Variants in PTPN12 observed in about 807,000 individuals in gnomAD.
PTPN12 encodes the protein tyrosine-protein phosphatase non-receptor type 12.
In PTPN12, 29 loss-of-function variants were observed where a neutral mutation model predicts 97.6. The observed-to-expected ratio is 0.30, with a 90% CI of 0.22 to 0.41. PTPN12 has a LOEUF of 0.41. Ranked by LOEUF, PTPN12 falls within the 10% of genes least tolerant of loss-of-function variation. The pLI is 1.00. For synonymous variants in PTPN12, 327 were observed against 300.4 expected, an observed-to-expected ratio of 1.09 and a Z score of -0.91; for missense variants, 819 against 926.0, an observed-to-expected ratio of 0.88 and a Z score of 1.50.
At chr7:77,549,051 G>A (rs1807352423) in intron 1 of PTPN12, among the ~76,000 whole-genome samples, 1 of 152,142 alleles carries the variant, frequency 6.6e-6, no homozygotes, top group Non-Finnish European at 1.5e-5. Flanking sequence ...TCAAATTATG[G>A]AAAGAGCTCA....
chr7:77,568,970 C>A (rs897611355), intron 1 of PTPN12, among the ~76,000 whole-genome samples: 1 of 152,116 alleles, frequency 6.6e-6, no homozygotes, highest in Admixed American at 6.6e-5. Context: ...ATATAAGTAA[C>A]CATGAGGATC....
At chr7:77,638,570 A>G (rs1789687407) in intron 16 of PTPN12, 54 bp from the exon 17 acceptor site, 1 of 1,506,146 alleles carries the variant, frequency 6.6e-7, no homozygotes, top group Non-Finnish European at 8.8e-7. Flanking sequence ...AGAGTTATAT[A>G]TATATGATGC....
rs761274993 is a variant in PTPN12, at chr7:77,625,563, C to CTTTTTTT, written c.1026-1141_1026-1140insTTTTTTT. On this transcript the variant is annotated intron_variant, in intron 12 of 17. Coordinates refer to ENST00000248594, the MANE Select transcript of PTPN12 (RefSeq NM_002835.4). ...TCGCGCTCTCTCTCTCGCTCTCTCT[C>CTTTTTTT]TCTTTTTTTTTTTTTTTTTTTTTTT... is the stretch of plus-strand genomic sequence containing the variant. Among the ~76,000 whole-genome samples the CTTTTTTT allele has an allele frequency of 1.2e-3, 34 of 27,784 alleles. 5 individuals carry two copies. Among genetic ancestry groups the CTTTTTTT allele is most frequent in the African/African-American group, 7.9e-3 (34 of 4,284 alleles). 18.2% of individuals were successfully genotyped at this position (27,784 alleles called of 152,430 possible).
chr7:77,549,704 G>C lies in PTPN12; in HGVS notation c.99+12059G>C, dbSNP rs77180092. On this transcript the variant is annotated intron_variant, in intron 1 of 17. Transcript: ENST00000248594. ...CAAGTGATCCTCTCACCTCACTCCT[G>C]AGTAGCTAGGACTACAAGCATGTTG... is the stretch of plus-strand genomic sequence containing the variant. Among the ~76,000 whole-genome samples, 1,394 of 151,662 alleles carry C rather than the reference G, an allele frequency of 9.2e-3. 24 individuals carry two copies. The highest frequency in any genetic ancestry group is 0.032 in the African/African-American group (1,307 of 41,350).
chr7:77,553,289 G>A (rs551508396), intron 1 of PTPN12, among the ~76,000 whole-genome samples: 3 of 152,178 alleles, frequency 2.0e-5, no homozygotes, highest in South Asian at 4.1e-4. Context: ...GTCTATAGAC[G>A]TGCATTATAT....
At chr7:77,578,452 A>G (rs772915500) in intron 2 of PTPN12, among the ~76,000 whole-genome samples, 2 of 152,208 alleles carry the variant, frequency 1.3e-5, no homozygotes, top group Non-Finnish European at 2.9e-5. Flanking sequence ...GTTTCTTAGA[A>G]TACAGTGAGG....
chr7:77,537,393 A>T lies in PTPN12; in HGVS notation c.-154A>T. 2.1e-6 allele frequency: 2 copies of T among 957,132 alleles called. No individual in the cohort carries two copies. The highest frequency in any genetic ancestry group is 2.6e-6 in the Non-Finnish European group (2 of 759,960). The allele number at this position is 957,132 out of a possible 1,614,324, so 59.3% of individuals were successfully genotyped here. The stretch of plus-strand genomic sequence containing the variant: ...GCCGGTGCCGCCGCAGCCGCCGCCT[A>T]GGGCGGTGGGGAGGAGGAGGGAGCC... On this transcript the variant is annotated 5_prime_UTR_variant, in exon 1 of 18. Coordinates refer to ENST00000248594, the MANE Select transcript of PTPN12 (RefSeq NM_002835.4).
chr7:77,637,723 GC>G (rs990274213), intron 16 of PTPN12, among the ~76,000 whole-genome samples: 88 of 151,334 alleles, frequency 5.8e-4, no homozygotes, highest in African/African-American at 2.0e-3. Context: ...TAGGCGTCAT[GC>G]CATCTGCCTG....
Position 77,610,924 on chromosome 7 carries a change from T to C in PTPN12, c.841-24T>C. 3 of 1,586,660 alleles carry C rather than the reference T, an allele frequency of 1.9e-6. No individual in the cohort carries two copies. The African/African-American group carries it at 4.1e-5, about 22-fold the overall frequency. On this transcript the variant is annotated intron_variant, in intron 10 of 17. Transcript: ENST00000248594. ...TTAAAATGTTGTTTTCATTTTGTTT[T>C]TTAATCATTTTTCTCCTTCATAGGA...
chr7:77,561,775 ATTAATTAAT>A (rs1328332948), intron 1 of PTPN12, among the ~76,000 whole-genome samples: 1 of 151,508 alleles, frequency 6.6e-6, no homozygotes, highest in African/African-American at 2.4e-5. Context: ...TAATTAATTA[ATTAATTAAT>A]TTTATTTATT....
chr7:77,592,039 A>G (rs1003446591), intron 5 of PTPN12, 146 bp from the exon 6 acceptor site: 3 of 675,632 alleles, frequency 4.4e-6, no homozygotes, highest in East Asian at 2.8e-5. Flanking sequence ...GGGTAAATCT[A>G]AGCTCTCTCA....
At chr7:77,548,194 A>C (rs1807310693) in intron 1 of PTPN12, among the ~76,000 whole-genome samples, 1 of 152,212 alleles carries the variant, frequency 6.6e-6, no homozygotes, top group African/African-American at 2.4e-5. Context: ...AGATATGTTT[A>C]AAGTGCCCTG....
rs568020008 is a variant in PTPN12 at position 77,630,306 on chromosome 7, C to T, written c.1997-2042C>T. Among the ~76,000 whole-genome samples, 10 of 152,106 alleles carry T rather than the reference C, an allele frequency of 6.6e-5. No homozygotes were observed. In the South Asian group the frequency reaches 1.9e-3, roughly 28 times the overall value. On this transcript the variant is annotated intron_variant, in intron 13 of 17. Transcript: ENST00000248594. ...TTAGAGTTTTGGGGGGTTTTTTGGT[C>T]CTAGAACTTGTTAGTGAATTACAGT...
At chr7:77,625,472 G>GCTCGCTCGCGCGCGCTCTCTCTCTCT in intron 12 of PTPN12, among the ~76,000 whole-genome samples, 2 of 33,522 alleles carry the variant, frequency 6.0e-5, no homozygotes, top group Non-Finnish European at 1.0e-4. Flanking sequence ...CAGGCTGCTC[G>GCTCGCTCGCGCGCGCTCTCTCTCTCT]CTCTCTCTCT....
At chr7:77,561,784 T>TTTTA (rs1485824745) in intron 1 of PTPN12, among the ~76,000 whole-genome samples, 1 of 139,728 alleles carries the variant, frequency 7.2e-6, no homozygotes, top group Non-Finnish European at 1.5e-5. Context: ...AATTAATTAA[T>TTTTA]TTTATTTATT....
intron 5 of PTPN12, among the ~76,000 whole-genome samples, chr7:77,586,357 G>A (rs1285122032): frequency 6.6e-6 from 1 of 152,178 alleles, no homozygotes; most frequent in Non-Finnish European, 1.5e-5. Flanking sequence ...TTTTGTTGAC[G>A]TTGATGGCTG....
intron 9 of PTPN12, among the ~76,000 whole-genome samples, chr7:77,609,840 C>T (rs1788506206): frequency 6.6e-6 from 1 of 150,884 alleles, no homozygotes; most frequent in Non-Finnish European, 1.5e-5. Flanking sequence ...GATATCACGC[C>T]ACCGTACTCC....
chr7:77,601,000 C>T (rs1163460856), intron 8 of PTPN12, 194 bp downstream of exon 8: 1 of 524,662 alleles, frequency 1.9e-6, no homozygotes, highest in Non-Finnish European at 3.3e-6. Context: ...CATTAAAACA[C>T]AGGATCATCT....
chr7:77,563,618 A>T (rs1025740040), intron 1 of PTPN12, among the ~76,000 whole-genome samples: 1 of 152,232 alleles, frequency 6.6e-6, no homozygotes. Flanking sequence ...AGCAAAGCAC[A>T]GAATCATTTT....
Sources: allele counts gnomAD v4.1 joint callset (sites outside exome capture counted in the v4.1 genomes callset), GRCh38; gene constraint gnomAD v4.1.1; transcripts MANE v1.5; gene names NCBI Gene and HGNC (gene_info 2026-07-23, HGNC 2026-07-21).